The following TLN2 variants were observed in gnomAD, a reference collection of about 807,000 sequenced individuals.
The protein encoded by TLN2 is talin 2, also known as talin-2.
A neutral mutation model predicts 294.7 loss-of-function variants in TLN2; 118 were observed. The observed-to-expected ratio is 0.40, with a 90% confidence interval of 0.34 to 0.47. TLN2 has a LOEUF of 0.47. Ranked by LOEUF, TLN2 falls within the 20% of genes least tolerant of loss-of-function variation. The probability of loss-of-function intolerance (pLI) is 0.84; values close to 1 mark genes in which losing one functional copy is unlikely to be tolerated. For synonymous variants in TLN2, 1,431 were observed against 1,304.5 expected (o/e 1.10, Z -2.09); for missense variants, 3,083 against 3,282.2 (o/e 0.94, Z 1.48).
chr15:62,771,828 A>G (rs919278225), intron 42 of TLN2, among the ~76,000 whole-genome samples: 33 of 152,196 alleles, frequency 2.2e-4, no homozygotes, highest in Non-Finnish European at 4.0e-4. Flanking sequence ...TCTCTTCCAC[A>G]TTGCGGACTT....
chr15:62,826,549 C>G (rs1175181759), intron 54 of TLN2, among the ~76,000 whole-genome samples: 2 of 152,162 alleles, frequency 1.3e-5, no homozygotes, highest in Non-Finnish European at 2.9e-5. Context: ...TTTGTTTGAA[C>G]TAATAAAGGT....
intron 7 of TLN2, 109 bp from the exon 8 acceptor site, chr15:62,655,831 ATAAC>A (rs1412071621): frequency 5.1e-6 from 6 of 1,181,366 alleles, no homozygotes; most frequent in East Asian, 5.1e-5. Flanking sequence ...TATAACTACT[ATAAC>A]TAAGTATCAG....
chr15:62,639,338 G>A (rs569018539), intron 3 of TLN2, among the ~76,000 whole-genome samples: 2 of 152,260 alleles, frequency 1.3e-5, no homozygotes, highest in African/African-American at 4.8e-5. Context: ...GATATATGGG[G>A]TTTGCACAGC....
At chr15:62,597,494 C>T (rs1266682532) in intron 2 of TLN2, among the ~76,000 whole-genome samples, 2 of 152,194 alleles carry the variant, frequency 1.3e-5, no homozygotes, top group East Asian at 1.9e-4. Flanking sequence ...CTTCTGGGTT[C>T]TCAGTCACCC....
chr15:62,457,512 G>A (rs1188336329), intron 1 of TLN2, among the ~76,000 whole-genome samples: 20 of 152,328 alleles, frequency 1.3e-4, no homozygotes, highest in Non-Finnish European at 2.5e-4. Flanking sequence ...GGTGACTGCA[G>A]AGGAATTGGG....
intron 2 of TLN2, among the ~76,000 whole-genome samples, chr15:62,603,560 A>G (rs1031440697): frequency 3.9e-5 from 6 of 152,146 alleles, no homozygotes; most frequent in Non-Finnish European, 7.3e-5. Context: ...TCCATCTTTT[A>G]CAATTACAAA....
intron 1 of TLN2, among the ~76,000 whole-genome samples, chr15:62,405,926 C>A (rs1287492247): frequency 2.6e-5 from 4 of 152,170 alleles, no homozygotes; most frequent in African/African-American, 9.7e-5. Flanking sequence ...TGCAGCAATG[C>A]CTTGTCGGGC....
In TLN2 at chr15:62,414,575, G is replaced by C. The variant is rs1288711197; in HGVS notation, c.-238+23890G>C. On this transcript the variant is annotated intron_variant, in intron 1 of 58. Coordinates refer to ENST00000636159, the MANE Select transcript of TLN2 (RefSeq NM_015059.3). The stretch of plus-strand genomic sequence containing the variant: ...GAACCGTTGTTTTAACAAGTTCTCA[G>C]GGGTGTTCTGCACACAGAGGTTTGA... Among the ~76,000 whole-genome samples, 2 of 140,970 alleles carry C rather than the reference G, an allele frequency of 1.4e-5. 1 individual carries two copies. Among genetic ancestry groups the C allele is most frequent in the Non-Finnish European group, 3.0e-5 (2 of 65,960 alleles). The allele number at this position is 140,970 out of a possible 152,430, so 92.5% of individuals were successfully genotyped here.
chr15:62,676,269 A>C, intron 11 of TLN2, among the ~76,000 whole-genome samples: 1 of 152,172 alleles, frequency 6.6e-6, no homozygotes, highest in Non-Finnish European at 1.5e-5. Context: ...GGAGATACCA[A>C]GATGTTATGC....
chr15:62,540,095 T>A (rs1224169338), intron 1 of TLN2, among the ~76,000 whole-genome samples: 1 of 152,232 alleles, frequency 6.6e-6, no homozygotes, highest in African/African-American at 2.4e-5. Context: ...ATCCCAGCAC[T>A]TTGGGAGGCC....
chr15:62,450,253 C>T lies in TLN2; in HGVS notation c.-238+59568C>T, dbSNP rs1244903533. 4.6e-5 allele frequency among the ~76,000 whole-genome samples: 7 copies of T among 152,186 alleles called. No individual in the cohort carries two copies. In the East Asian group the frequency reaches 5.8e-4, roughly 13 times the overall value. ...ATCCTACCCTTGGATGGAGCATGAG[C>T]GGGGAATTGCTGTTGCTTGTGCACT... is the stretch of plus-strand genomic sequence containing the variant. On this transcript the variant is annotated intron_variant, in intron 1 of 58. Coordinates refer to ENST00000636159, the MANE Select transcript of TLN2 (RefSeq NM_015059.3).
intron 1 of TLN2, among the ~76,000 whole-genome samples, chr15:62,402,999 G>A (rs1566944919): frequency 6.6e-6 from 1 of 152,162 alleles, no homozygotes; most frequent in Non-Finnish European, 1.5e-5. Context: ...CAGCACTTTG[G>A]GAGGCTGAGG....
intron 58 of TLN2, among the ~76,000 whole-genome samples, chr15:62,839,603 G>C (rs2070350031): frequency 6.6e-6 from 1 of 152,188 alleles, no homozygotes; most frequent in African/African-American, 2.4e-5. Context: ...TAGGAAGTCA[G>C]GCTTAAACTT....
intron 1 of TLN2, among the ~76,000 whole-genome samples, chr15:62,531,421 A>G (rs2041035439): frequency 6.6e-6 from 1 of 152,166 alleles, no homozygotes; most frequent in Non-Finnish European, 1.5e-5. Flanking sequence ...TGGGGAGATG[A>G]TGGTCAAAGG....
intron 47 of TLN2, 128 bp downstream of exon 47, chr15:62,796,421 T>A: frequency 8.7e-7 from 1 of 1,152,938 alleles, no homozygotes; most frequent in Non-Finnish European, 1.2e-6. Context: ...GATGCACAAG[T>A]TGGGAAAGTG....
Position 62,744,585 on chromosome 15 carries a change from C to T in TLN2, c.4026-3766C>T, listed in dbSNP as rs150927769. Among the ~76,000 whole-genome samples, 13 of 151,890 alleles carry T rather than the reference C, an allele frequency of 8.6e-5. No individual in the cohort carries two copies. The East Asian group carries it at 2.5e-3, about 30-fold the overall frequency. On this transcript the variant is annotated intron_variant, in intron 32 of 58. Transcript: ENST00000636159. ...ATTTTGAGATGGAATTTCGCTCCGT[C>T]GCCCAGGCTGGAGTGCAGAGGCGCG...
chr15:62,479,336 G>C (rs967174297), intron 1 of TLN2, among the ~76,000 whole-genome samples: 1 of 152,160 alleles, frequency 6.6e-6, no homozygotes, highest in Admixed American at 6.5e-5. Flanking sequence ...AGTTGTTTCA[G>C]AGCTATGCCC....
At chr15:62,652,835 G>A (rs887759656) in intron 6 of TLN2, among the ~76,000 whole-genome samples, 3 of 152,066 alleles carry the variant, frequency 2.0e-5, no homozygotes, top group African/African-American at 7.2e-5. Flanking sequence ...ATTCTGTATT[G>A]TAGTGACAAT....
intron 34 of TLN2, among the ~76,000 whole-genome samples, chr15:62,751,641 C>T (rs2061944870): frequency 6.6e-6 from 1 of 152,146 alleles, no homozygotes; most frequent in African/African-American, 2.4e-5. Flanking sequence ...AAAATATGAC[C>T]AGCCCTCCTG....
Sources: gnomAD v4.1 joint callset for allele counts (sites outside exome capture counted in the v4.1 genomes callset) on GRCh38, gnomAD v4.1.1 for gene constraint, MANE v1.5 for transcripts, NCBI Gene and HGNC (gene_info 2026-07-23, HGNC 2026-07-21) for gene names.